SLC36A1: variants seen among roughly 807,000 people sequenced by gnomAD.
SLC36A1 encodes proton-coupled amino acid transporter 1.
Under a neutral mutation model 47.5 loss-of-function variants are expected in SLC36A1, and 30 were observed. The observed-to-expected ratio is 0.63, with a 90% CI of 0.47 to 0.86. SLC36A1 has a LOEUF of 0.86. Ranked by LOEUF, SLC36A1 falls within the 40% of genes least tolerant of loss-of-function variation. The pLI is 0.00. For synonymous variants in SLC36A1, 255 were observed against 249.7 expected (o/e 1.02, Z -0.20); for missense variants, 517 against 606.0 (o/e 0.85, Z 1.54).
At chr5:151,522,431 T>C in the SLC36A1 span, among the ~76,000 whole-genome samples, 1 of 152,208 alleles carries the variant, frequency 6.6e-6, no homozygotes, top group Non-Finnish European at 1.5e-5. Context: ...ATTCTGTCCC[T>C]GTCCTCAAGG....
At chr5:151,483,072 A>G (rs1759028911) in intron 10 of SLC36A1, among the ~76,000 whole-genome samples, 2 of 152,200 alleles carry the variant, frequency 1.3e-5, no homozygotes, top group African/African-American at 4.8e-5. Context: ...ATAAATAAAT[A>G]AAAGTAACTT....
the SLC36A1 span, among the ~76,000 whole-genome samples, chr5:151,430,615 T>C: frequency 6.6e-6 from 1 of 152,164 alleles, no homozygotes; most frequent in African/African-American, 2.4e-5. Flanking sequence ...TGAGCCACCG[T>C]GCCTGTCCGT....
chr5:151,553,275 T>C, the SLC36A1 span: 1 of 1,614,224 alleles, frequency 6.2e-7, no homozygotes, highest in Non-Finnish European at 8.5e-7. Flanking sequence ...AAAGCTGTAG[T>C]AGGTCTCATC....
At chr5:151,431,022 T>C in the SLC36A1 span, among the ~76,000 whole-genome samples, 162 of 152,316 alleles carry the variant, frequency 1.1e-3, no homozygotes, top group African/African-American at 3.7e-3. Context: ...TGTTCATTGC[T>C]TTAGTTCCAC....
chr5:151,527,906 G>T, the SLC36A1 span: 4 of 1,511,734 alleles, frequency 2.6e-6, no homozygotes, highest in Admixed American at 1.8e-5. Flanking sequence ...TTCAGGATGG[G>T]GTCTTGACAG....
chr5:151,431,566 G>A, the SLC36A1 span, among the ~76,000 whole-genome samples: 9 of 152,284 alleles, frequency 5.9e-5, no homozygotes, highest in South Asian at 4.2e-4. Context: ...GGAGGGACCC[G>A]GTGATAGGTA....
At chr5:151,467,675 T>G (rs746622905) in intron 6 of SLC36A1, 32 bp from the exon 7 acceptor site, 2 of 1,565,408 alleles carry the variant, frequency 1.3e-6, no homozygotes, top group Non-Finnish European at 1.8e-6. Context: ...GTTTGAGAGG[T>G]GTTTCCGTTT....
chr5:151,507,544 C>T, the SLC36A1 span: 4 of 1,613,912 alleles, frequency 2.5e-6, no homozygotes, highest in African/African-American at 2.7e-5. Flanking sequence ...TGCCCCCAGT[C>T]CCCCCTTTGG....
intron 1 of SLC36A1, among the ~76,000 whole-genome samples, chr5:151,448,137 T>C (rs577328180): frequency 6.6e-6 from 1 of 152,270 alleles, no homozygotes; most frequent in Admixed American, 6.5e-5. Flanking sequence ...AATGGGTCTT[T>C]GGGTCAGAAC....
the SLC36A1 span, chr5:151,542,977 G>A: frequency 2.5e-6 from 4 of 1,614,068 alleles, no homozygotes; most frequent in South Asian, 1.1e-5. Flanking sequence ...ATCTTGAGCT[G>A]CCACTGCTTT....
the SLC36A1 span, chr5:151,542,925 G>T: frequency 6.2e-7 from 1 of 1,614,190 alleles, no homozygotes; most frequent in South Asian, 1.1e-5. Context: ...CATCCTTGTT[G>T]CTCTCAGGTG....
At position 151,441,175 on chromosome 5, in the gene SLC36A1, C is replaced by T. The variant is rs574117923; in HGVS notation, c.-6+3996C>T. Among the ~76,000 whole-genome samples the T allele has an allele frequency of 5.3e-5, 8 of 152,296 alleles. No individual in the cohort carries two copies. In the South Asian group the frequency reaches 8.3e-4, roughly 16 times the overall value. The stretch of plus-strand genomic sequence containing the variant: ...TGCTAGTGATGTGCAGTGGCATGCA[C>T]CTGTAGTCCCAACTACTCAGGAGGC... On this transcript the variant is annotated intron_variant, in intron 1 of 8. Transcript: ENST00000429484.
chr5:151,349,368 T>A, the SLC36A1 span, among the ~76,000 whole-genome samples: 1 of 152,108 alleles, frequency 6.6e-6, no homozygotes, highest in African/African-American at 2.4e-5. Context: ...CACCACATGT[T>A]AGCAGGCAGG....
chr5:151,424,599 T>A, the SLC36A1 span, among the ~76,000 whole-genome samples: 1 of 152,230 alleles, frequency 6.6e-6, no homozygotes, highest in Non-Finnish European at 1.5e-5. Flanking sequence ...AGACTTTGCC[T>A]ACAATTTCAT....
At chr5:151,447,271 A>G (rs1296787221), upstream of SLC36A1, among the ~76,000 whole-genome samples, 1 of 152,258 alleles carries the variant, frequency 6.6e-6, no homozygotes, top group African/African-American at 2.4e-5. Flanking sequence ...TTTTAAAAAT[A>G]TGCATATTTC....
At chr5:151,532,638 G>C in the SLC36A1 span, among the ~76,000 whole-genome samples, 1 of 152,176 alleles carries the variant, frequency 6.6e-6, no homozygotes, top group Non-Finnish European at 1.5e-5. Context: ...AAAAAGTTAA[G>C]AAAACACCCA....
chr5:151,540,755 G>C, the SLC36A1 span: 1 of 1,613,552 alleles, frequency 6.2e-7, no homozygotes, highest in Non-Finnish European at 8.5e-7. Context: ...TGGCCCAGGG[G>C]GTCTCCCTCT....
chr5:151,551,579 A>C, the SLC36A1 span: 1 of 1,614,182 alleles, frequency 6.2e-7, no homozygotes, highest in East Asian at 2.2e-5. Context: ...GGTCTTCTCA[A>C]TGTCAAAGTC....
the SLC36A1 span, chr5:151,505,592 A>G: frequency 1.2e-6 from 2 of 1,614,164 alleles, no homozygotes; most frequent in East Asian, 2.2e-5. Flanking sequence ...CACAGCTGCC[A>G]TAATCACTCT....
Sources: gnomAD v4.1 joint callset for allele counts (sites outside exome capture counted in the v4.1 genomes callset) on GRCh38, gnomAD v4.1.1 for gene constraint, MANE v1.5 for transcripts, NCBI Gene and HGNC (gene_info 2026-07-23, HGNC 2026-07-21) for gene names.